Variants in MECR observed in about 807,000 individuals in gnomAD.
MECR encodes enoyl-[acyl-carrier-protein] reductase, mitochondrial.
In MECR, 37 loss-of-function variants were observed where a neutral mutation model predicts 49.1. The ratio of observed to expected loss-of-function variants is 0.75; its 90% CI spans 0.58 to 0.99. MECR has a LOEUF of 0.99. Among genes scored for constraint, MECR ranks in the 50% least tolerant of loss-of-function variants. The pLI, the probability that MECR is intolerant of heterozygous loss-of-function variation, is 0.00. For missense variants in MECR, 470 were observed against 479.6 expected (o/e 0.98, Z 0.19); for synonymous variants, 198 against 191.1 (o/e 1.04, Z -0.30).
the MECR span, chr1:29,172,771 C>T: frequency 6.6e-6 from 1 of 152,080 alleles, no homozygotes; most frequent in Non-Finnish European, 1.5e-5. Context: ...TCATGGAATC[C>T]ATATGTACTC....
chr1:29,227,799 T>A (rs1290081464), intron 1 of MECR, among the ~76,000 whole-genome samples: 1 of 152,184 alleles, frequency 6.6e-6, no homozygotes, highest in Non-Finnish European at 1.5e-5. Flanking sequence ...CTAAACCTTG[T>A]AAGACATGAC....
chr1:29,172,333 C>T, the MECR span: 1 of 152,054 alleles, frequency 6.6e-6, no homozygotes, highest in East Asian at 1.9e-4. Flanking sequence ...CTCACTCTGT[C>T]ACCCAAGCTG....
At chr1:29,180,047 G>A in the MECR span, among the ~76,000 whole-genome samples, 12 of 152,344 alleles carry the variant, frequency 7.9e-5, no homozygotes, top group South Asian at 2.5e-3. Context: ...GATTATAGCT[G>A]CCACTTACTG....
downstream of MECR, among the ~76,000 whole-genome samples, chr1:29,187,824 CAGG>C (rs1387203756): frequency 6.6e-6 from 1 of 150,620 alleles, no homozygotes; most frequent in Non-Finnish European, 1.5e-5. Flanking sequence ...ATCATGAGGT[CAGG>C]AGATCGAGAC....
rs879576692 is a variant in MECR at position 29,207,997 on chromosome 1, G to GT, written c.407-1093dup. ...TCATCCAGAGCAGGTTGACTCACATGTTTTTTTTTTTTAAGATGAAGTCTT... is the reference window on the plus strand; with the variant it reads ...TCATCCAGAGCAGGTTGACTCACATGTTTTTTTTTTTTTAAGATGAAGTCTT... On this transcript the variant is annotated intron_variant, in intron 3 of 9. Coordinates refer to ENST00000263702, the MANE Select transcript of MECR (RefSeq NM_016011.5). Among the ~76,000 whole-genome samples, 479 of 145,454 alleles carry GT rather than the reference G, an allele frequency of 3.3e-3. 1 individual carries two copies. Among genetic ancestry groups the GT allele is most frequent in the African/African-American group, 7.6e-3 (305 of 39,904 alleles).
At chr1:29,219,758 AT>A (rs1462980219) in intron 1 of MECR, among the ~76,000 whole-genome samples, 1 of 152,208 alleles carries the variant, frequency 6.6e-6, no homozygotes, top group Non-Finnish European at 1.5e-5. Flanking sequence ...CTGCAGCAAA[AT>A]GTAGGAATAC....
At position 29,196,240 on chromosome 1, in the gene MECR, T is replaced by C; in HGVS notation, c.849A>G (p.Val283=). 6.2e-7 allele frequency: 1 copy of C among 1,613,456 alleles called. No individual in the cohort carries two copies. Among genetic ancestry groups the C allele is most frequent in the Non-Finnish European group, 8.5e-7 (1 of 1,179,524 alleles). The change falls in exon 8 of 10, where the codon GTA becomes GTG. Residue 283 remains valine (V), a synonymous_variant. Coordinates refer to ENST00000263702, the MANE Select transcript of MECR (RefSeq NM_016011.5). The stretch of plus-strand genomic sequence containing the variant: ...GCTGCTTGGCCATCCCCCCATAGGT[T>C]ACCATGGTTCCTCCACGCCTGAAAA... The part of the protein sequence containing the change: ...LRQLARGGTM[V]TYGGMAKQPV...
chr1:29,203,112 A>T lies in MECR; in HGVS notation c.653+19T>A. 1 of 1,548,748 alleles carries T rather than the reference A, an allele frequency of 6.5e-7. No individual in the cohort carries two copies. ...AGACCCAAGACATGGTCTGGGATGA[A>T]GCCTCCTTCCCCACGCACCTGTCTC... is the stretch of plus-strand genomic sequence containing the variant. On this transcript the variant is annotated intron_variant, in intron 5 of 9. Coordinates refer to ENST00000263702, the MANE Select transcript of MECR (RefSeq NM_016011.5).
chr1:29,182,600 G>A, the MECR span, among the ~76,000 whole-genome samples: 1 of 151,886 alleles, frequency 6.6e-6, no homozygotes, highest in Non-Finnish European at 1.5e-5. Flanking sequence ...CTGGAGTGCA[G>A]TGGCGCGACC....
chr1:29,180,832 T>C, the MECR span, among the ~76,000 whole-genome samples: 24 of 152,182 alleles, frequency 1.6e-4, no homozygotes, highest in Non-Finnish European at 2.9e-4. Context: ...ATACAAGTAA[T>C]AGATCATACT....
At chr1:29,220,079 G>C (rs1680390383) in intron 1 of MECR, among the ~76,000 whole-genome samples, 1 of 152,080 alleles carries the variant, frequency 6.6e-6, no homozygotes, top group African/African-American at 2.4e-5. Context: ...TTTCTCACTA[G>C]TGAGAAAATG....
chr1:29,219,739 T>A lies in MECR; in HGVS notation c.177-3054A>T, dbSNP rs539617194. On this transcript the variant is annotated intron_variant, in intron 1 of 9. Coordinates refer to ENST00000263702, the MANE Select transcript of MECR (RefSeq NM_016011.5). ...TTGTAGCACCCTGTGATCAGATACA[T>A]GAATGTTTCTGCAGCAAAATGTAGG... Among the ~76,000 whole-genome samples, 34 of 152,176 alleles carry A rather than the reference T, an allele frequency of 2.2e-4. 1 individual carries two copies. The highest frequency in any genetic ancestry group is 2.1e-4 in the Non-Finnish European group (14 of 68,026).
intron 3 of MECR, among the ~76,000 whole-genome samples, chr1:29,212,403 G>A (rs926741731): frequency 3.3e-5 from 5 of 152,178 alleles, no homozygotes; most frequent in Non-Finnish European, 5.9e-5. Context: ...GCAACAGAGC[G>A]AGACTCTGTC....
chr1:29,179,060 G>C, the MECR span, among the ~76,000 whole-genome samples: 1 of 152,104 alleles, frequency 6.6e-6, no homozygotes. Context: ...AAACCACCCA[G>C]GTATTTAGGG....
At chr1:29,219,377 G>A (rs184883723) in intron 1 of MECR, among the ~76,000 whole-genome samples, 30 of 152,060 alleles carry the variant, frequency 2.0e-4, no homozygotes, top group African/African-American at 5.8e-4. Flanking sequence ...TTTTCTATAC[G>A]TTCTTCCTAT....
intron 6 of MECR, 107 bp from the exon 7 acceptor site, chr1:29,200,696 G>A (rs1008659276): frequency 2.2e-6 from 2 of 903,736 alleles, no homozygotes; most frequent in African/African-American, 1.6e-5. Context: ...AGATGTTTAT[G>A]CCTTTGTTTG....
chr1:29,226,344 A>G (rs893834530), intron 1 of MECR, among the ~76,000 whole-genome samples: 2 of 152,138 alleles, frequency 1.3e-5, no homozygotes, highest in African/African-American at 4.8e-5. Context: ...AGAGAATGGT[A>G]TTTCTAAACT....
intron 3 of MECR, among the ~76,000 whole-genome samples, chr1:29,208,108 T>G (rs1413520080): frequency 6.6e-6 from 1 of 152,138 alleles, no homozygotes; most frequent in Non-Finnish European, 1.5e-5. Flanking sequence ...TTCACCTGCC[T>G]CAGCCTCCCG....
chr1:29,227,206 G>A (rs890360541), intron 1 of MECR, among the ~76,000 whole-genome samples: 3 of 151,870 alleles, frequency 2.0e-5, no homozygotes, highest in Non-Finnish European at 4.4e-5. Flanking sequence ...CTGGTGATCC[G>A]CCCGCCTCGG....
Sources: allele counts gnomAD v4.1 joint callset (sites outside exome capture counted in the v4.1 genomes callset), GRCh38; gene constraint gnomAD v4.1.1; transcripts MANE v1.5; gene names NCBI Gene and HGNC (gene_info 2026-07-23, HGNC 2026-07-21).